The following BCKDHB variants were observed in gnomAD, a reference collection of about 807,000 sequenced individuals.
BCKDHB encodes the protein 2-oxoisovalerate dehydrogenase subunit beta, mitochondrial.
Under a neutral mutation model 48.5 loss-of-function variants are expected in BCKDHB, and 41 were observed. That is an observed-to-expected ratio of 0.85 (90% CI 0.66 to 1.10). The LOEUF (loss-of-function observed/expected upper bound fraction) is 1.10. BCKDHB is among the 50% of genes least tolerant of loss of function. The pLI is 0.00. For synonymous variants in BCKDHB, 201 were observed against 174.8 expected (o/e 1.15, Z -1.18); for missense variants, 496 against 494.2 (o/e 1.00, Z -0.03).
At chr6:80,230,455 C>T (rs1412513695) in intron 8 of BCKDHB, among the ~76,000 whole-genome samples, 1 of 152,140 alleles carries the variant, frequency 6.6e-6, no homozygotes, top group Non-Finnish European at 1.5e-5. Flanking sequence ...AAATTTACTG[C>T]AGTGCCATGT....
At chr6:80,418,840 G>A in the BCKDHB span, among the ~76,000 whole-genome samples, 3 of 152,308 alleles carry the variant, frequency 2.0e-5, no homozygotes, top group Admixed American at 2.0e-4. Context: ...CCTCTCTGTG[G>A]GTGTTCATCA....
the BCKDHB span, among the ~76,000 whole-genome samples, chr6:80,422,904 T>C: frequency 6.6e-6 from 1 of 152,170 alleles, no homozygotes; most frequent in African/African-American, 2.4e-5. Flanking sequence ...ACATTTGAGT[T>C]ACTGCTGAAA....
At chr6:80,429,055 G>T in the BCKDHB span, among the ~76,000 whole-genome samples, 1 of 152,176 alleles carries the variant, frequency 6.6e-6, no homozygotes, top group Non-Finnish European at 1.5e-5. Context: ...TGTATAAGGT[G>T]TAAGGGAGGG....
At chr6:80,318,412 C>T (rs533978392) in intron 9 of BCKDHB, among the ~76,000 whole-genome samples, 30 of 152,106 alleles carry the variant, frequency 2.0e-4, no homozygotes, top group African/African-American at 7.2e-4. Flanking sequence ...GGGGGCTAGG[C>T]GTGGTGGCTC....
At chr6:80,168,831 A>G in intron 4 of BCKDHB, 44 bp from the exon 5 acceptor site, 3 of 1,610,192 alleles carry the variant, frequency 1.9e-6, no homozygotes, top group Non-Finnish European at 2.5e-6. Context: ...ATTGGAAGGG[A>G]AGGACTCATT....
intron 9 of BCKDHB, among the ~76,000 whole-genome samples, chr6:80,306,920 A>C (rs1767909308): frequency 6.6e-6 from 1 of 152,164 alleles, no homozygotes; most frequent in Non-Finnish European, 1.5e-5. Context: ...TGTAAAGAAC[A>C]ATACAGTCCT....
rs183101599 is a variant in BCKDHB, at chr6:80,135,629, A to G, written c.343+6400A>G. The stretch of plus-strand genomic sequence containing the variant: ...ATGTTTAATATGCCTTTTTTTCCCC[A>G]CAGTGCTTTTTTCACAAACATTAAT... On this transcript the variant is annotated intron_variant, in intron 3 of 9. Coordinates refer to ENST00000320393, the MANE Select transcript of BCKDHB (RefSeq NM_183050.4). Among the ~76,000 whole-genome samples the G allele has an allele frequency of 3.0e-3, 450 of 152,144 alleles. 2 individuals are homozygous for G. The highest frequency in any genetic ancestry group is 0.01 in the African/African-American group (435 of 41,538).
At chr6:80,403,506 A>G in the BCKDHB span, among the ~76,000 whole-genome samples, 5 of 151,912 alleles carry the variant, frequency 3.3e-5, no homozygotes, top group Admixed American at 6.6e-5. Flanking sequence ...TCTTTATATA[A>G]GATCATGTCA....
intron 3 of BCKDHB, among the ~76,000 whole-genome samples, chr6:80,152,430 G>C (rs967497646): frequency 3.9e-5 from 6 of 152,032 alleles, no homozygotes; most frequent in African/African-American, 1.4e-4. Context: ...GAGTTTTTGT[G>C]TTTTTCTCTT....
At chr6:80,439,435 A>G in the BCKDHB span, among the ~76,000 whole-genome samples, 1 of 152,214 alleles carries the variant, frequency 6.6e-6, no homozygotes, top group South Asian at 2.1e-4. Flanking sequence ...ATTTTCTTCC[A>G]ATAATATTTT....
At chr6:80,327,924 C>T in intron 9 of BCKDHB, among the ~76,000 whole-genome samples, 1 of 145,170 alleles carries the variant, frequency 6.9e-6, no homozygotes, top group Admixed American at 6.9e-5. Flanking sequence ...TTCTCCCCTC[C>T]CCTCCCTCCC....
Position 80,307,198 on chromosome 6 carries a change from T to C in BCKDHB, c.1038+33977T>C, listed in dbSNP as rs575821764. Among the ~76,000 whole-genome samples, 9 of 152,270 alleles carry C rather than the reference T, an allele frequency of 5.9e-5. No individual in the cohort carries two copies. In the East Asian group the frequency reaches 1.4e-3, roughly 23 times the overall value. On this transcript the variant is annotated intron_variant, in intron 9 of 9. Transcript: ENST00000320393. ...CAGACTGCAGTTAGAACCTACTACTTATTAATAGCTGTGTTTTCTTAAGAA... is the reference window on the plus strand; with the variant it reads ...CAGACTGCAGTTAGAACCTACTACTCATTAATAGCTGTGTTTTCTTAAGAA...
chr6:80,415,913 G>T, the BCKDHB span, among the ~76,000 whole-genome samples: 1 of 151,580 alleles, frequency 6.6e-6, no homozygotes, highest in Non-Finnish European at 1.5e-5. Context: ...GGCTTTTCTT[G>T]GTGGGTAGTA....
chr6:80,159,604 C>G (rs1255427268), intron 3 of BCKDHB, among the ~76,000 whole-genome samples: 2 of 152,114 alleles, frequency 1.3e-5, no homozygotes, highest in Admixed American at 6.5e-5. Context: ...TTAGTTGACC[C>G]TAAAACAAAT....
intron 6 of BCKDHB, among the ~76,000 whole-genome samples, chr6:80,182,207 G>C (rs1387877963): frequency 1.3e-5 from 2 of 152,168 alleles, no homozygotes; most frequent in East Asian, 3.9e-4. Context: ...TTTGTGATGA[G>C]AAGGCCCTGA....
intron 3 of BCKDHB, among the ~76,000 whole-genome samples, chr6:80,144,897 G>A (rs1481656586): frequency 6.6e-6 from 1 of 152,114 alleles, no homozygotes; most frequent in Non-Finnish European, 1.5e-5. Flanking sequence ...AAATTGTCTT[G>A]TAGCAGTATA....
At chr6:80,306,611 G>A (rs550550996) in intron 9 of BCKDHB, among the ~76,000 whole-genome samples, 1 of 152,222 alleles carries the variant, frequency 6.6e-6, no homozygotes, top group Admixed American at 6.5e-5. Flanking sequence ...GCAACAGTGT[G>A]TGTTGATAGA....
chr6:80,412,710 T>G, the BCKDHB span, among the ~76,000 whole-genome samples: 2 of 152,202 alleles, frequency 1.3e-5, no homozygotes, highest in Admixed American at 6.5e-5. Flanking sequence ...ATGGCAGGCC[T>G]GGTGTGACCA....
chr6:80,109,270 T>C (rs946253795), intron 1 of BCKDHB, among the ~76,000 whole-genome samples: 16 of 152,204 alleles, frequency 1.1e-4, no homozygotes, highest in Non-Finnish European at 2.1e-4. Flanking sequence ...CATAAAACAA[T>C]GTCTATAATA....
Sources: gnomAD v4.1 joint callset for allele counts (sites outside exome capture counted in the v4.1 genomes callset) on GRCh38, gnomAD v4.1.1 for gene constraint, MANE v1.5 for transcripts, NCBI Gene and HGNC (gene_info 2026-07-23, HGNC 2026-07-21) for gene names.